Variants in HPSE2 observed in about 807,000 individuals in gnomAD.
The protein encoded by HPSE2 is inactive heparanase-2.
Under a neutral mutation model 60.5 loss-of-function variants are expected in HPSE2, and 38 were observed. That is an observed-to-expected ratio of 0.63 (90% CI 0.48 to 0.82). The LOEUF is 0.82. Among genes scored for constraint, HPSE2 ranks in the 40% least tolerant of loss-of-function variants. The pLI, the probability that HPSE2 is intolerant of heterozygous loss-of-function variation, is 0.00. For missense variants in HPSE2, 713 were observed against 740.4 expected (o/e 0.96, Z 0.43); for synonymous variants, 295 against 293.2 (o/e 1.01, Z -0.06).
intron 7 of HPSE2, among the ~76,000 whole-genome samples, chr10:98,622,774 T>G (rs1565024103): frequency 6.6e-6 from 1 of 151,908 alleles, no homozygotes; most frequent in Admixed American, 6.5e-5. Context: ...AATTCACTTT[T>G]ATACACAAAA....
chr10:99,021,312 A>G (rs1957257178), intron 3 of HPSE2, among the ~76,000 whole-genome samples: 1 of 152,216 alleles, frequency 6.6e-6, no homozygotes, highest in African/African-American at 2.4e-5. Context: ...AACCCTAATA[A>G]CACTGTAAAA....
intron 3 of HPSE2, among the ~76,000 whole-genome samples, chr10:98,768,166 T>C (rs1338356295): frequency 2.6e-5 from 4 of 152,148 alleles, no homozygotes; most frequent in African/African-American, 9.6e-5. Flanking sequence ...ATAGTCCTTG[T>C]GTAAAGATTT....
chr10:98,524,332 G>A (rs1049595546), intron 9 of HPSE2, among the ~76,000 whole-genome samples: 2 of 152,146 alleles, frequency 1.3e-5, no homozygotes, highest in Non-Finnish European at 2.9e-5. Context: ...TGGTGGAGCC[G>A]TAATGCCAGT....
chr10:98,565,634 C>T (rs140591524), intron 9 of HPSE2, among the ~76,000 whole-genome samples: 103 of 152,256 alleles, frequency 6.8e-4, no homozygotes, highest in African/African-American at 2.3e-3. Flanking sequence ...CTGCAGTAAA[C>T]ATATGTGTGC....
chr10:98,537,143 T>C (rs1943307785), intron 9 of HPSE2, among the ~76,000 whole-genome samples: 1 of 152,212 alleles, frequency 6.6e-6, no homozygotes, highest in South Asian at 2.1e-4. Flanking sequence ...ACTCAGGCAA[T>C]TGTGTGACAG....
chr10:98,792,804 A>G (rs139956889), intron 3 of HPSE2, among the ~76,000 whole-genome samples: 2 of 152,280 alleles, frequency 1.3e-5, no homozygotes, highest in African/African-American at 2.4e-5. Flanking sequence ...TTACCCAAAT[A>G]ATTTACTCAG....
intron 4 of HPSE2, among the ~76,000 whole-genome samples, chr10:98,735,569 C>T (rs1352866502): frequency 1.3e-5 from 2 of 151,916 alleles, no homozygotes; most frequent in Non-Finnish European, 2.9e-5. Context: ...AATGCCAGCC[C>T]ATGAAGGCAG....
chr10:98,931,859 C>T (rs1395061223), intron 3 of HPSE2, among the ~76,000 whole-genome samples: 1 of 143,714 alleles, frequency 7.0e-6, no homozygotes, highest in Non-Finnish European at 1.5e-5. Flanking sequence ...AGCTTAAGAA[C>T]CTTTTGGGCT....
At chr10:99,285,064 T>C in the HPSE2 span, among the ~76,000 whole-genome samples, 3 of 152,132 alleles carry the variant, frequency 2.0e-5, no homozygotes, top group African/African-American at 7.2e-5. Context: ...ACTTTTATTT[T>C]AGAATCAGGG....
intron 2 of HPSE2, among the ~76,000 whole-genome samples, chr10:99,173,706 G>A (rs1847407253): frequency 6.6e-6 from 1 of 152,120 alleles, no homozygotes; most frequent in African/African-American, 2.4e-5. Context: ...CACTTTGGGA[G>A]GCTAAGGCAG....
intron 9 of HPSE2, among the ~76,000 whole-genome samples, chr10:98,505,124 T>G (rs931336709): frequency 2.0e-5 from 3 of 152,206 alleles, no homozygotes; most frequent in African/African-American, 4.8e-5. Flanking sequence ...GTGTCCAGAT[T>G]TTGCTATTAT....
chr10:99,156,337 C>T (rs199817869), intron 2 of HPSE2, among the ~76,000 whole-genome samples: 52,693 of 119,264 alleles, frequency 0.44, 13,604 homozygotes, highest in East Asian at 0.59. Flanking sequence ...TGAACATTGA[C>T]GCAAAAATCC....
chr10:99,035,990 T>C (rs1199094272), intron 3 of HPSE2, among the ~76,000 whole-genome samples: 2 of 152,132 alleles, frequency 1.3e-5, no homozygotes, highest in Non-Finnish European at 2.9e-5. Flanking sequence ...TGCAGAAGAT[T>C]ACTTGAAGCC....
intron 3 of HPSE2, among the ~76,000 whole-genome samples, chr10:98,984,987 T>G (rs532872874): frequency 6.6e-6 from 1 of 152,242 alleles, no homozygotes; most frequent in South Asian, 2.1e-4. Flanking sequence ...AATATGGGAC[T>G]ATGTGAAAAG....
chr10:98,611,764 T>G (rs1193454122), intron 9 of HPSE2, among the ~76,000 whole-genome samples: 2 of 152,196 alleles, frequency 1.3e-5, no homozygotes, highest in Admixed American at 6.5e-5. Context: ...AATTTATTAG[T>G]GCAAAGAAAG....
At chr10:98,836,969 C>T (rs543874241) in intron 3 of HPSE2, among the ~76,000 whole-genome samples, 3 of 152,100 alleles carry the variant, frequency 2.0e-5, no homozygotes, top group Non-Finnish European at 4.4e-5. Context: ...AACTGGGACC[C>T]GGGAGGCAGA....
chr10:99,230,223 T>C, intron 2 of HPSE2, among the ~76,000 whole-genome samples: 1 of 152,108 alleles, frequency 6.6e-6, no homozygotes, highest in African/African-American at 2.4e-5. Context: ...AAAACAGCTA[T>C]GAGGAAACAT....
At chr10:98,818,873 G>T (rs1198275708) in intron 3 of HPSE2, among the ~76,000 whole-genome samples, 1 of 152,132 alleles carries the variant, frequency 6.6e-6, no homozygotes, top group African/African-American at 2.4e-5. Context: ...CCTTGAATGG[G>T]AAACAATGCA....
intron 3 of HPSE2, among the ~76,000 whole-genome samples, chr10:98,958,116 G>A (rs1955555205): frequency 6.6e-6 from 1 of 152,128 alleles, no homozygotes; most frequent in African/African-American, 2.4e-5. Flanking sequence ...CAAGAGATTA[G>A]TAGGATTGTG....
Sources: gnomAD v4.1 joint callset for allele counts (sites outside exome capture counted in the v4.1 genomes callset) on GRCh38, gnomAD v4.1.1 for gene constraint, MANE v1.5 for transcripts, NCBI Gene and HGNC (gene_info 2026-07-23, HGNC 2026-07-21) for gene names.